Variants in DNAJC13 observed in about 807,000 individuals in gnomAD.
DNAJC13 encodes DnaJ heat shock protein family (Hsp40) member C13.
A neutral mutation model predicts 290.5 loss-of-function variants in DNAJC13; 75 were observed. That is an observed-to-expected ratio of 0.26 (90% confidence interval 0.21 to 0.31). The LOEUF is 0.31. Among genes scored for constraint, DNAJC13 ranks in the 10% least tolerant of loss-of-function variants. The pLI is 1.00. For missense variants in DNAJC13, 2,260 were observed against 2,674.5 expected (o/e 0.85, Z 3.42); for synonymous variants, 862 against 892.0 (o/e 0.97, Z 0.60).
Position 132,526,414 on chromosome 3 carries a change from AATTTTAT to A in DNAJC13, c.6381+143_6381+149del, listed in dbSNP as rs1158731066. ...TTAACTTGTGAGTTTGTGTATAAACAATTTTATATTTTATATATACAAACACATACAG... is the reference window on the plus strand; with the variant it reads ...TTAACTTGTGAGTTTGTGTATAAACAATTTTATATATACAAACACATACAG... On this transcript the variant is annotated intron_variant, in intron 53 of 55. Transcript: ENST00000260818. The A allele has an allele frequency of 1.6e-5, 16 of 1,032,028 alleles. No individual in the cohort carries two copies. In the East Asian group the frequency reaches 3.7e-4, roughly 24 times the overall value. The allele number at this position is 1,032,028 out of a possible 1,614,324, so 63.9% of individuals were successfully genotyped here. A position where few individuals can be genotyped will look rare whatever the true frequency, so the allele number is the denominator to read the frequency against.
chr3:132,506,807 C>G (rs1184484108), intron 42 of DNAJC13, among the ~76,000 whole-genome samples: 1 of 152,008 alleles, frequency 6.6e-6, no homozygotes, highest in Non-Finnish European at 1.5e-5. Context: ...GCCTCGGCCT[C>G]CCTAAGTGCT....
intron 20 of DNAJC13, among the ~76,000 whole-genome samples, chr3:132,471,225 C>T (rs1216383520): frequency 3.8e-5 from 5 of 131,204 alleles, no homozygotes; most frequent in South Asian, 5.2e-4. Flanking sequence ...CCGGACGGGG[C>T]GGCTGGCCGG....
rs778789457 is a variant in DNAJC13 at position 132,500,853 on chromosome 3, G to C, written c.4476G>C (p.Glu1492Asp). Residue 1492 changes from glutamate to aspartate, a missense_variant, in exon 39 of 56, where the codon GAG becomes GAC. This residue lies in a region of DNAJC13 where 1,494 missense variants were observed against 1,693.7 expected (regional missense o/e 0.88). Transcript: ENST00000260818. ...SVAAQFEECR[E>D]KITEMPSIIK... Reference sequence around the variant, plus strand: ...CTGCTCAGTTTGAGGAATGCCGAGAGAAGATCACGGAAATGCCTAGCATCA... The same window carrying C: ...CTGCTCAGTTTGAGGAATGCCGAGACAAGATCACGGAAATGCCTAGCATCA... The C allele has an allele frequency of 6.2e-7, 1 of 1,614,086 alleles. No individual in the cohort carries two copies. The highest frequency in any genetic ancestry group is 8.5e-7 in the Non-Finnish European group (1 of 1,179,966).
At chr3:132,449,826 G>C (rs976336327) in intron 5 of DNAJC13, among the ~76,000 whole-genome samples, 1 of 152,130 alleles carries the variant, frequency 6.6e-6, no homozygotes, top group Non-Finnish European at 1.5e-5. Flanking sequence ...GTGTTTGGGT[G>C]GGGGAGAGGA....
At chr3:132,462,344 C>T (rs913013304) in intron 15 of DNAJC13, 123 bp from the exon 16 acceptor site, 2 of 837,106 alleles carry the variant, frequency 2.4e-6, no homozygotes, top group African/African-American at 3.5e-5. Flanking sequence ...GAGATGTATC[C>T]TTTACTAATT....
intron 1 of DNAJC13, among the ~76,000 whole-genome samples, chr3:132,427,731 C>T (rs1939136474): frequency 6.6e-6 from 1 of 152,040 alleles, no homozygotes; most frequent in Non-Finnish European, 1.5e-5. Context: ...CCCCAAAATG[C>T]TGTATTAGGT....
At chr3:132,479,546 T>C (rs1934597140) in intron 25 of DNAJC13, among the ~76,000 whole-genome samples, 1 of 152,200 alleles carries the variant, frequency 6.6e-6, no homozygotes, top group Admixed American at 6.5e-5. Context: ...TGACTTTTAA[T>C]ACATTAAAAT....
intron 29 of DNAJC13, among the ~76,000 whole-genome samples, chr3:132,486,491 G>A (rs1934882685): frequency 6.6e-6 from 1 of 151,076 alleles, no homozygotes; most frequent in South Asian, 2.1e-4. Context: ...GGGGAGGGAG[G>A]CTTTCTTTTA....
intron 2 of DNAJC13, among the ~76,000 whole-genome samples, chr3:132,441,159 G>A (rs1265324796): frequency 6.6e-6 from 1 of 152,154 alleles, no homozygotes; most frequent in East Asian, 1.9e-4. Flanking sequence ...ATTCAGCCTA[G>A]GAAAAAGAAT....
chr3:132,533,331 C>G (rs1445476017), intron 55 of DNAJC13, among the ~76,000 whole-genome samples: 5 of 109,556 alleles, frequency 4.6e-5, no homozygotes, highest in Non-Finnish European at 6.9e-5. Flanking sequence ...CATGCCCGCC[C>G]TCTTTTTTTT....
intron 31 of DNAJC13, 37 bp downstream of exon 31, chr3:132,489,058 G>A: frequency 1.3e-6 from 2 of 1,577,858 alleles, no homozygotes; most frequent in Non-Finnish European, 1.7e-6. Flanking sequence ...TTAACCCTGG[G>A]TAAGCTGTTT....
chr3:132,527,691 G>C (rs1008999098), intron 53 of DNAJC13, among the ~76,000 whole-genome samples: 2 of 152,178 alleles, frequency 1.3e-5, no homozygotes, highest in Non-Finnish European at 2.9e-5. Flanking sequence ...TTCCCTCTGA[G>C]TTTCAAAATG....
intron 2 of DNAJC13, among the ~76,000 whole-genome samples, chr3:132,445,096 T>C (rs1320535349): frequency 6.6e-6 from 1 of 152,196 alleles, no homozygotes; most frequent in East Asian, 1.9e-4. Flanking sequence ...TTGATCTTAA[T>C]GGGAATACTT....
chr3:132,494,301 T>G (rs1383182711), intron 34 of DNAJC13, 42 bp downstream of exon 34: 1 of 1,410,926 alleles, frequency 7.1e-7, no homozygotes, highest in Admixed American at 1.7e-5. Context: ...TGTCCCACCT[T>G]AAAGTACCAG....
chr3:132,521,493 G>C (rs1341830341), intron 48 of DNAJC13, among the ~76,000 whole-genome samples: 1 of 152,218 alleles, frequency 6.6e-6, no homozygotes, highest in Non-Finnish European at 1.5e-5. Context: ...TAATGAGTCT[G>C]GGTAACTTGT....
At chr3:132,476,708 A>G (rs536181090) in intron 22 of DNAJC13, among the ~76,000 whole-genome samples, 1 of 152,308 alleles carries the variant, frequency 6.6e-6, no homozygotes, top group African/African-American at 2.4e-5. Flanking sequence ...CTTAGAAAAC[A>G]CCAAATTCAC....
chr3:132,453,478 G>C lies in DNAJC13; in HGVS notation c.718G>C (p.Val240Leu). Residue 240 changes from valine (V) to leucine (L), a missense_variant, in exon 7 of 56, where the codon GTC becomes CTC. By Grantham distance (32) the Val-to-Leu change is conservative (BLOSUM62 1). Coordinates refer to ENST00000260818, the MANE Select transcript of DNAJC13 (RefSeq NM_015268.4). Reference sequence around the variant, plus strand: ...CATCACATCTTTAGCAGAGTTTGTAGTCCAAAAAATATCACCTAGACATTC... The same window carrying C: ...CATCACATCTTTAGCAGAGTTTGTACTCCAAAAAATATCACCTAGACATTC... ...ESITSLAEFV[V>L]QKISPRHSEP... 1 of 1,613,898 alleles carries C rather than the reference G, an allele frequency of 6.2e-7. No homozygotes were observed. The highest frequency in any genetic ancestry group is 8.5e-7 in the Non-Finnish European group (1 of 1,179,882).
At chr3:132,488,246 T>G in intron 29 of DNAJC13, 52 bp from the exon 30 acceptor site, 1 of 1,501,648 alleles carries the variant, frequency 6.7e-7, no homozygotes, top group Non-Finnish European at 8.9e-7. Context: ...AAACCTAAAG[T>G]GATGATGCAG....
Position 132,453,673 on chromosome 3 carries a change from A to C in DNAJC13, c.819A>C (p.Ala273=). Residue 273 remains alanine, a synonymous_variant, in exon 8 of 56, where the codon GCA becomes GCC. Transcript: ENST00000260818. The stretch of plus-strand genomic sequence containing the variant: ...GTGATCCGGCAACCTATAATATTGC[A>C]ACATTGAAGCCTTTAGGAGAAGTAA... ...VERDPATYNI[A]TLKPLGEVFA... The C allele has an allele frequency of 6.2e-7, 1 of 1,613,056 alleles. No individual in the cohort carries two copies. Among genetic ancestry groups the C allele is most frequent in the Non-Finnish European group, 8.5e-7 (1 of 1,179,714 alleles).
Sources: gnomAD v4.1 joint callset for allele counts (sites outside exome capture counted in the v4.1 genomes callset) on GRCh38, gnomAD v4.1.1 for gene constraint, gnomAD v4.1.1 regional missense constraint, MANE v1.5 for transcripts, NCBI Gene and HGNC (gene_info 2026-07-23, HGNC 2026-07-21) for gene names.